TAFA2: variants seen among roughly 807,000 people sequenced by gnomAD.
TAFA2 encodes the protein TAFA chemokine like family member 2.
In TAFA2, 7 loss-of-function variants were observed where a neutral mutation model predicts 18.8. The ratio of observed to expected loss-of-function variants is 0.37; its 90% confidence interval spans 0.21 to 0.70. The LOEUF (loss-of-function observed/expected upper bound fraction) is 0.70. TAFA2 is among the 30% of genes least tolerant of loss of function. The pLI, the probability that TAFA2 is intolerant of heterozygous loss-of-function variation, is 0.53. For missense variants in TAFA2, 122 were observed against 158.1 expected (o/e 0.77, Z 1.23); for synonymous variants, 60 against 54.2 (o/e 1.11, Z -0.47).
At chr12:61,745,459 T>C (rs1210923806) in intron 4 of TAFA2, among the ~76,000 whole-genome samples, 1 of 152,008 alleles carries the variant, frequency 6.6e-6, no homozygotes, top group Non-Finnish European at 1.5e-5. Flanking sequence ...GGATAGCTTG[T>C]CCTCCATTTA....
At chr12:62,039,272 C>T (rs1881694826) in intron 1 of TAFA2, among the ~76,000 whole-genome samples, 1 of 152,110 alleles carries the variant, frequency 6.6e-6, no homozygotes, top group Non-Finnish European at 1.5e-5. Flanking sequence ...TTTATTTATT[C>T]TGAACCTGTC....
chr12:61,924,689 T>C (rs1321904666), intron 1 of TAFA2, among the ~76,000 whole-genome samples: 2 of 152,064 alleles, frequency 1.3e-5, no homozygotes, highest in African/African-American at 2.4e-5. Context: ...AACGAATGGG[T>C]AAAATAACCA....
intron 1 of TAFA2, among the ~76,000 whole-genome samples, chr12:62,028,687 TC>T (rs1236679671): frequency 6.6e-6 from 1 of 152,190 alleles, no homozygotes; most frequent in Non-Finnish European, 1.5e-5. Context: ...CAGAAGGCTC[TC>T]AAAGCTACTG....
At chr12:61,842,942 A>G (rs1255011703) in intron 2 of TAFA2, among the ~76,000 whole-genome samples, 2 of 152,082 alleles carry the variant, frequency 1.3e-5, no homozygotes, top group African/African-American at 4.8e-5. Flanking sequence ...ATCACTGTAT[A>G]TGCTTAAGAG....
intron 2 of TAFA2, among the ~76,000 whole-genome samples, chr12:61,830,201 G>A (rs1872666920): frequency 6.7e-6 from 1 of 149,914 alleles, no homozygotes; most frequent in East Asian, 2.0e-4. Context: ...TATGTATATG[G>A]TATGTATATG....
intron 1 of TAFA2, among the ~76,000 whole-genome samples, chr12:62,244,741 T>C (rs1011163004): frequency 1.3e-5 from 2 of 152,170 alleles, no homozygotes; most frequent in African/African-American, 2.4e-5. Flanking sequence ...CACTAGATAA[T>C]GTCAAACTTT....
intron 1 of TAFA2, among the ~76,000 whole-genome samples, chr12:61,955,390 T>A (rs1878615240): frequency 6.7e-6 from 1 of 150,304 alleles, no homozygotes; most frequent in Non-Finnish European, 1.5e-5. Context: ...GATTAAGAGG[T>A]CAAGAGATCG....
chr12:61,889,547 G>C (rs1379539666), intron 1 of TAFA2, among the ~76,000 whole-genome samples: 1 of 152,124 alleles, frequency 6.6e-6, no homozygotes, highest in African/African-American at 2.4e-5. Flanking sequence ...AATGAGTGAT[G>C]AATAATCAAC....
chr12:61,720,131 G>C (rs572695796), intron 4 of TAFA2, among the ~76,000 whole-genome samples: 1 of 151,868 alleles, frequency 6.6e-6, no homozygotes. Context: ...TTTCCAAAGT[G>C]TGTCAAAATA....
At chr12:62,043,751 A>C (rs1360761247) in intron 1 of TAFA2, among the ~76,000 whole-genome samples, 1 of 152,190 alleles carries the variant, frequency 6.6e-6, no homozygotes, top group Non-Finnish European at 1.5e-5. Flanking sequence ...TAAGAATTAT[A>C]TCTTGCATAT....
chr12:61,819,080 T>C (rs182870198), intron 2 of TAFA2, among the ~76,000 whole-genome samples: 214 of 152,290 alleles, frequency 1.4e-3, no homozygotes, highest in African/African-American at 4.8e-3. Context: ...TTATTGTGAA[T>C]ATGTTTAGTA....
At chr12:62,231,596 T>G (rs187419703) in intron 1 of TAFA2, among the ~76,000 whole-genome samples, 1 of 152,368 alleles carries the variant, frequency 6.6e-6, no homozygotes, top group East Asian at 1.9e-4. Context: ...AAAGACTTAC[T>G]ACTGCTATTT....
At chr12:62,050,154 G>T (rs999458024) in intron 1 of TAFA2, among the ~76,000 whole-genome samples, 6 of 152,136 alleles carry the variant, frequency 3.9e-5, no homozygotes, top group Non-Finnish European at 8.8e-5. Context: ...TGCTTCTATT[G>T]TTACTACTAC....
At chr12:62,159,095 C>A (rs967128848) in intron 1 of TAFA2, among the ~76,000 whole-genome samples, 1 of 152,026 alleles carries the variant, frequency 6.6e-6, no homozygotes, top group African/African-American at 2.4e-5. Flanking sequence ...TCTTCCTGTC[C>A]CATGGTATAA....
intron 1 of TAFA2, among the ~76,000 whole-genome samples, chr12:62,120,885 C>T (rs183002671): frequency 1.8e-4 from 27 of 151,648 alleles, no homozygotes; most frequent in African/African-American, 5.3e-4. Flanking sequence ...GATGGAGTTT[C>T]GCTCTTATTG....
intron 1 of TAFA2, among the ~76,000 whole-genome samples, chr12:62,001,248 A>G (rs1880365941): frequency 6.6e-6 from 1 of 151,972 alleles, no homozygotes. Context: ...GCAGTCCCCA[A>G]CCTTTTTGGC....
At chr12:62,029,343 CATT>C (rs1254810656) in intron 1 of TAFA2, among the ~76,000 whole-genome samples, 1 of 152,112 alleles carries the variant, frequency 6.6e-6, no homozygotes, top group Non-Finnish European at 1.5e-5. Flanking sequence ...ATCTTTTTAA[CATT>C]AATATTATGC....
intron 2 of TAFA2, among the ~76,000 whole-genome samples, chr12:61,843,010 C>T (rs1873249861): frequency 6.6e-6 from 1 of 151,896 alleles, no homozygotes; most frequent in African/African-American, 2.4e-5. Context: ...GAAGAAGAAA[C>T]CCGACATGCA....
chr12:61,731,873 G>T (rs917381649), intron 4 of TAFA2, among the ~76,000 whole-genome samples: 3 of 151,982 alleles, frequency 2.0e-5, no homozygotes, highest in Non-Finnish European at 4.4e-5. Context: ...TGTGTTCTAG[G>T]TTCTTCTATT....
Sources: gnomAD v4.1 joint callset for allele counts (sites outside exome capture counted in the v4.1 genomes callset) on GRCh38, gnomAD v4.1.1 for gene constraint, MANE v1.5 for transcripts, NCBI Gene and HGNC (gene_info 2026-07-23, HGNC 2026-07-21) for gene names.